The following FLI1 variants were observed in gnomAD, a reference collection of about 807,000 sequenced individuals.
FLI1 encodes the protein Fli-1 proto-oncogene, ETS transcription factor, also known as Friend leukemia integration 1 transcription factor.
In FLI1, 13 loss-of-function variants were observed where a neutral mutation model predicts 53.1. That is an observed-to-expected ratio of 0.24 (90% CI 0.16 to 0.39). The LOEUF (loss-of-function observed/expected upper bound fraction) is 0.39. Among genes scored for constraint, FLI1 ranks in the 10% least tolerant of loss-of-function variants. FLI1 has a pLI of 1.00. For missense variants in FLI1, 424 were observed against 600.5 expected, an observed-to-expected ratio of 0.71 and a Z score of 3.07; for synonymous variants, 244 against 236.7, an observed-to-expected ratio of 1.03 and a Z score of -0.28.
chr11:128,759,860 T>TG (rs1941039068), intron 2 of FLI1, among the ~76,000 whole-genome samples: 1 of 152,162 alleles, frequency 6.6e-6, no homozygotes, highest in Non-Finnish European at 1.5e-5. Flanking sequence ...ACTGTGAAAG[T>TG]GGATGAGGTC....
chr11:128,788,471 A>C (rs1043021745), intron 5 of FLI1, among the ~76,000 whole-genome samples: 2 of 152,174 alleles, frequency 1.3e-5, no homozygotes, highest in Non-Finnish European at 2.9e-5. Context: ...TCTGTCTCAA[A>C]AAACAAAGCA....
chr11:128,737,256 C>T (rs1293348113), intron 1 of FLI1, among the ~76,000 whole-genome samples: 2 of 152,098 alleles, frequency 1.3e-5, no homozygotes, highest in African/African-American at 4.8e-5. Flanking sequence ...GGGTTAGTTC[C>T]CTGACCACCT....
At chr11:128,750,788 G>T (rs1381220689) in intron 1 of FLI1, among the ~76,000 whole-genome samples, 1 of 152,228 alleles carries the variant, frequency 6.6e-6, no homozygotes, top group African/African-American at 2.4e-5. Flanking sequence ...AGACACATTT[G>T]TAAGTATAAC....
intron 5 of FLI1, among the ~76,000 whole-genome samples, chr11:128,786,294 A>G (rs1351530751): frequency 6.6e-6 from 1 of 152,234 alleles, no homozygotes; most frequent in Non-Finnish European, 1.5e-5. Flanking sequence ...CTAGAAAAGG[A>G]ATAGCAGGCC....
chr11:128,790,070 G>A (rs952666713), intron 5 of FLI1, among the ~76,000 whole-genome samples: 4 of 102,682 alleles, frequency 3.9e-5, no homozygotes, highest in Admixed American at 1.9e-4. Flanking sequence ...GCATGCATGC[G>A]TGTGTGTGTG....
intron 1 of FLI1, among the ~76,000 whole-genome samples, chr11:128,703,685 A>G (rs1037661945): frequency 4.6e-5 from 7 of 152,000 alleles, no homozygotes; most frequent in Non-Finnish European, 1.0e-4. Context: ...TCTACTAAAA[A>G]TACAAAAATT....
intron 5 of FLI1, among the ~76,000 whole-genome samples, chr11:128,792,723 G>C (rs7125426): frequency 0.03 from 4,557 of 152,146 alleles, 229 homozygotes; most frequent in African/African-American, 0.1. Context: ...ATCCTTTTGT[G>C]TTTAATACTA....
chr11:128,793,475 C>T (rs539034842), intron 5 of FLI1, among the ~76,000 whole-genome samples: 1 of 152,262 alleles, frequency 6.6e-6, no homozygotes, highest in East Asian at 1.9e-4. Context: ...GAATGCCCCA[C>T]CCCTGCCCTG....
At chr11:128,696,720 C>A (rs1849130306) in intron 1 of FLI1, among the ~76,000 whole-genome samples, 1 of 152,178 alleles carries the variant, frequency 6.6e-6, no homozygotes, top group African/African-American at 2.4e-5. Flanking sequence ...GTGTCCATTT[C>A]CAGTTTGAAC....
chr11:128,717,720 G>A (rs1939078701), intron 1 of FLI1, among the ~76,000 whole-genome samples: 1 of 152,188 alleles, frequency 6.6e-6, no homozygotes, highest in Non-Finnish European at 1.5e-5. Flanking sequence ...CATCCACTTT[G>A]CACCTAGTTT....
chr11:128,759,186 T>C (rs1401067962), intron 2 of FLI1, among the ~76,000 whole-genome samples: 6 of 152,236 alleles, frequency 3.9e-5, no homozygotes, highest in Non-Finnish European at 8.8e-5. Context: ...ATCAGTCTTA[T>C]TCACAAAATA....
intron 1 of FLI1, among the ~76,000 whole-genome samples, chr11:128,706,451 T>A (rs1938548856): frequency 6.6e-6 from 1 of 152,130 alleles, no homozygotes; most frequent in South Asian, 2.1e-4. Flanking sequence ...CTCTGTCATA[T>A]CTCCCAAAGT....
chr11:128,688,215 G>C (rs1937615654), intron 1 of FLI1, among the ~76,000 whole-genome samples: 1 of 152,198 alleles, frequency 6.6e-6, no homozygotes, highest in African/African-American at 2.4e-5. Flanking sequence ...AGGAGCCCTA[G>C]AGGGGCACGT....
chr11:128,773,819 G>A (rs1013705678), intron 4 of FLI1, among the ~76,000 whole-genome samples: 2 of 151,674 alleles, frequency 1.3e-5, no homozygotes, highest in African/African-American at 4.9e-5. Context: ...ATTGTCCTGG[G>A]GCCTGAAAAG....
chr11:128,694,577 AC>A (rs1937949804), intron 1 of FLI1, among the ~76,000 whole-genome samples: 2 of 558 alleles, frequency 3.6e-3, no homozygotes, highest in Non-Finnish European at 9.3e-3. Flanking sequence ...AAACCGGGGG[AC>A]CCCAGGGTAC....
intron 1 of FLI1, among the ~76,000 whole-genome samples, chr11:128,715,827 T>C (rs992074702): frequency 7.9e-5 from 12 of 152,332 alleles, no homozygotes; most frequent in Admixed American, 2.0e-4. Flanking sequence ...CCTGGTTGCA[T>C]TGTGGTCTGC....
rs979405206 is a variant in FLI1, at chr11:128,758,278, C to T, written c.182C>T (p.Pro61Leu). ...CCACAGCAGGAGTGGATCAATCAGCCAGTGAGGGTCAACGTCAAGCGGGAG... is the reference window on the plus strand; with the variant it reads ...CCACAGCAGGAGTGGATCAATCAGCTAGTGAGGGTCAACGTCAAGCGGGAG... ...LPPQQEWINQ[P>L]VRVNVKREYD... Residue 61 changes from proline to leucine, a missense_variant, in exon 2 of 9, where the codon CCA becomes CTA. Pro to Leu is a moderately conservative substitution (Grantham distance 98, BLOSUM62 -3). Around this residue, in one of 5 missense-constraint regions of FLI1, gnomAD observed 137 missense variants for 169.1 expected, o/e 0.81. Transcript: ENST00000527786. 1.9e-6 allele frequency: 3 copies of T among 1,613,578 alleles called. No individual in the cohort carries two copies. Among genetic ancestry groups the T allele is most frequent in the African/African-American group, 2.7e-5 (2 of 74,910 alleles).
Position 128,772,740 on chromosome 11 carries a change from A to G in FLI1, c.386-42A>G, listed in dbSNP as rs148423369. 1.7e-5 allele frequency: 26 copies of G among 1,556,004 alleles called. No individual in the cohort carries two copies. The African/African-American group carries it at 2.8e-4, about 17-fold the overall frequency. ...CTGCCTAGGCTCTCAGGGAGCCTCT[A>G]CCTTCCTGCAGTCCTTGCTAACAAC... On this transcript the variant is annotated intron_variant, in intron 3 of 8. Transcript: ENST00000527786.
intron 1 of FLI1, among the ~76,000 whole-genome samples, chr11:128,735,910 G>A (rs982623181): frequency 9.9e-5 from 15 of 152,204 alleles, no homozygotes; most frequent in Non-Finnish European, 1.9e-4. Context: ...AGGGAATTTT[G>A]AACAAATAGG....
Sources: allele counts gnomAD v4.1 joint callset (sites outside exome capture counted in the v4.1 genomes callset), GRCh38; gene constraint gnomAD v4.1.1; regional missense constraint gnomAD v4.1.1; transcripts MANE v1.5; gene names NCBI Gene and HGNC (gene_info 2026-07-23, HGNC 2026-07-21).